The following IL21R variants were observed in gnomAD, a reference collection of about 807,000 sequenced individuals.
The protein encoded by IL21R is interleukin-21 receptor.
In IL21R, 14 loss-of-function variants were observed where a neutral mutation model predicts 41.3. The observed-to-expected ratio is 0.34, with a 90% CI of 0.22 to 0.53. The LOEUF (loss-of-function observed/expected upper bound fraction) is 0.53, where lower values mean the gene tolerates loss of function less well. Among genes scored for constraint, IL21R ranks in the 20% least tolerant of loss-of-function variants. The probability of loss-of-function intolerance (pLI) is 0.94; values close to 1 mark genes in which losing one functional copy is unlikely to be tolerated. For missense variants in IL21R, 588 were observed against 681.6 expected, an observed-to-expected ratio of 0.86 and a Z score of 1.53; for synonymous variants, 286 against 287.6, an observed-to-expected ratio of 0.99 and a Z score of 0.05.
chr16:27,419,805 C>T (rs2086969861), intron 1 of IL21R, among the ~76,000 whole-genome samples: 1 of 146,070 alleles, frequency 6.8e-6, no homozygotes, highest in African/African-American at 2.5e-5. Flanking sequence ...ATACATACAC[C>T]AGTAACATAG....
At chr16:27,415,175 A>C (rs565158688) in intron 1 of IL21R, among the ~76,000 whole-genome samples, 1 of 152,342 alleles carries the variant, frequency 6.6e-6, no homozygotes, top group East Asian at 1.9e-4. Flanking sequence ...CACCATAGAC[A>C]TCTCAATTAG....
intron 7 of IL21R, 102 bp downstream of exon 7, chr16:27,445,378 AATG>A (rs1416843755): frequency 1.1e-5 from 8 of 756,748 alleles, no homozygotes; most frequent in East Asian, 7.8e-5. Context: ...TCATGGTAAC[AATG>A]ATGATGATGG....
chr16:27,451,422 T>C lies in IL21R; in HGVS notation c.*2139T>C, dbSNP rs190206259. 9.0e-6 allele frequency: 2 copies of C among 222,596 alleles called. No homozygotes were observed. Among genetic ancestry groups the C allele is most frequent in the African/African-American group, 4.5e-5 (2 of 44,784 alleles). 13.8% of individuals were successfully genotyped at this position (222,596 alleles called of 1,614,324 possible). On this transcript the variant is annotated 3_prime_UTR_variant, in exon 9 of 9. Coordinates refer to ENST00000337929, the MANE Select transcript of IL21R (RefSeq NM_181078.3). ...GCTTATAAACACAGAGGAGCAAAGT[T>C]GGAGGGCCGGGCGTAGTGGCTCACA... is the stretch of plus-strand genomic sequence containing the variant.
At chr16:27,444,244 C>T (rs1249578038) in intron 5 of IL21R, among the ~76,000 whole-genome samples, 1 of 151,906 alleles carries the variant, frequency 6.6e-6, no homozygotes, top group Non-Finnish European at 1.5e-5. Flanking sequence ...AGACCATTAC[C>T]ACTCCTGAGA....
chr16:27,440,277 A>AGAGAGAGAGC (rs1320948814), intron 4 of IL21R, among the ~76,000 whole-genome samples: 112 of 136,590 alleles, frequency 8.2e-4, no homozygotes, highest in African/African-American at 1.6e-3. Flanking sequence ...AGAGAGAGAG[A>AGAGAGAGAGC]GAGCGAGCAA....
At chr16:27,417,316 C>T (rs1230552282) in intron 1 of IL21R, among the ~76,000 whole-genome samples, 7 of 152,028 alleles carry the variant, frequency 4.6e-5, no homozygotes, top group African/African-American at 1.7e-4. Flanking sequence ...TACATACCAC[C>T]ATGCCCAGAA....
chr16:27,440,287 A>AGAGAGAGAGAGAGC (rs1479585420), intron 4 of IL21R, among the ~76,000 whole-genome samples: 9 of 102,706 alleles, frequency 8.8e-5, no homozygotes, highest in African/African-American at 4.5e-4. Context: ...AGAGCGAGCA[A>AGAGAGAGAGAGAGC]GCGCGCGCCA....
At chr16:27,423,230 A>AT (rs2087024280) in intron 1 of IL21R, among the ~76,000 whole-genome samples, 1 of 137,626 alleles carries the variant, frequency 7.3e-6, no homozygotes, top group African/African-American at 3.1e-5. Flanking sequence ...TCTCTTGTGC[A>AT]GTTTTTTTTT....
rs759119263 is a variant in IL21R at position 27,421,130 on chromosome 16, C to A, written c.-16-8926C>A. 5.8e-4 allele frequency among the ~76,000 whole-genome samples: 88 copies of A among 152,152 alleles called. 1 individual carries two copies. The highest frequency in any genetic ancestry group is 1.9e-4 in the Non-Finnish European group (13 of 67,966). On this transcript the variant is annotated intron_variant, in intron 1 of 8. Coordinates refer to ENST00000337929, the MANE Select transcript of IL21R (RefSeq NM_181078.3). Reference sequence around the variant, plus strand: ...AATCGGTTAAACATAAATATATGCACTTCTTTCTGAACTCTCAGTTCAATC... The same window carrying A: ...AATCGGTTAAACATAAATATATGCAATTCTTTCTGAACTCTCAGTTCAATC...
chr16:27,405,484 G>A (rs1404449006), intron 1 of IL21R, among the ~76,000 whole-genome samples: 1 of 152,186 alleles, frequency 6.6e-6, no homozygotes, highest in African/African-American at 2.4e-5. Flanking sequence ...TTTACAGATG[G>A]GGAAACTGAA....
intron 4 of IL21R, among the ~76,000 whole-genome samples, chr16:27,441,046 C>CGAAAAAAA (rs2087379279): frequency 1.5e-5 from 1 of 68,380 alleles, no homozygotes; most frequent in Non-Finnish European, 2.8e-5. Flanking sequence ...GATTCTGTCT[C>CGAAAAAAA]AAAAAAAAAA....
intron 8 of IL21R, chr16:27,448,288 C>G: frequency 4.1e-6 from 2 of 488,112 alleles, no homozygotes; most frequent in Non-Finnish European, 7.2e-6. Flanking sequence ...AACCACGTCT[C>G]TACTAAAAAT....
chr16:27,434,243 G>A (rs369400954), intron 2 of IL21R, 104 bp from the exon 3 acceptor site: 1 of 729,128 alleles, frequency 1.4e-6, no homozygotes, highest in South Asian at 1.6e-5. Flanking sequence ...CCGGCCTGGG[G>A]ACCCCTGCAC....
intron 1 of IL21R, among the ~76,000 whole-genome samples, chr16:27,409,905 A>G (rs1238305185): frequency 6.6e-6 from 1 of 152,240 alleles, no homozygotes; most frequent in Non-Finnish European, 1.5e-5. Flanking sequence ...GATTTTACTG[A>G]AACTTTACTT....
chr16:27,431,964 G>A (rs918913677), intron 2 of IL21R, among the ~76,000 whole-genome samples: 1 of 152,062 alleles, frequency 6.6e-6, no homozygotes, highest in South Asian at 2.1e-4. Context: ...CACATTGAAC[G>A]CTGCACCACC....
At chr16:27,409,417 A>G (rs972141132) in intron 1 of IL21R, among the ~76,000 whole-genome samples, 4 of 151,770 alleles carry the variant, frequency 2.6e-5, no homozygotes, top group Admixed American at 6.6e-5. Flanking sequence ...AGAACTTTCT[A>G]TGTGCTGTTT....
At chr16:27,417,990 C>CTGTA (rs200937158) in intron 1 of IL21R, among the ~76,000 whole-genome samples, 2,600 of 150,210 alleles carry the variant, frequency 0.017, 56 homozygotes, top group Non-Finnish European at 0.024. Flanking sequence ...CTTTGGCTTA[C>CTGTA]TGTAACATTT....
rs1225711787 is a variant in IL21R, at chr16:27,402,200, C to G, written c.-435C>G. ...CTCTGCACATGCGGCTGGGTGGCAG[C>G]CAGCGGCCTCAGACAGACCCACTGG... On this transcript the variant is annotated 5_prime_UTR_variant, in exon 1 of 9. Transcript: ENST00000337929. 5 of 152,508 alleles carry G rather than the reference C, an allele frequency of 3.3e-5. No homozygotes were observed. In the East Asian group the frequency reaches 9.6e-4, roughly 29 times the overall value. The allele number at this position is 152,508 out of a possible 1,614,324, so 9.4% of individuals were successfully genotyped here.
chr16:27,427,066 A>T (rs917380217), intron 1 of IL21R, among the ~76,000 whole-genome samples: 2 of 152,074 alleles, frequency 1.3e-5, no homozygotes, highest in Admixed American at 1.3e-4. Flanking sequence ...CTGAGAAGAT[A>T]CCAAAAAAAG....
Sources: allele counts gnomAD v4.1 joint callset (sites outside exome capture counted in the v4.1 genomes callset), GRCh38; gene constraint gnomAD v4.1.1; transcripts MANE v1.5; gene names NCBI Gene and HGNC (gene_info 2026-07-23, HGNC 2026-07-21).